Variants in IQGAP3 observed in about 807,000 individuals in gnomAD.
IQGAP3 encodes IQ motif containing GTPase activating protein 3.
A neutral mutation model predicts 208.2 loss-of-function variants in IQGAP3; 165 were observed. The observed-to-expected ratio is 0.79, with a 90% CI of 0.70 to 0.90. IQGAP3 has a LOEUF of 0.90. Ranked by LOEUF, IQGAP3 falls within the 40% of genes least tolerant of loss-of-function variation. The pLI, the probability that IQGAP3 is intolerant of heterozygous loss-of-function variation, is 0.00. For missense variants in IQGAP3, 1,811 were observed against 2,043.1 expected (o/e 0.89, Z 2.19); for synonymous variants, 703 against 803.6 (o/e 0.87, Z 2.12).
Position 156,548,495 on chromosome 1 carries a change from G to T in IQGAP3, c.1994-8C>A, listed in dbSNP as rs762431839. 2.1e-5 allele frequency: 34 copies of T among 1,612,550 alleles called. No individual in the cohort carries two copies. The highest frequency in any genetic ancestry group is 2.9e-5 in the Non-Finnish European group (34 of 1,179,032). On this transcript the variant is annotated splice_region_variant and splice_polypyrimidine_tract_variant and intron_variant, in intron 17 of 37. Transcript: ENST00000361170. ...CCCAGAAAGCTGTGTCTGCTAAGCA[G>T]AAACCAAGCAAGCAGAAAAGGTTCA...
chr1:156,562,081 C>A, intron 9 of IQGAP3, 80 bp from the exon 10 acceptor site: 1 of 1,247,294 alleles, frequency 8.0e-7, no homozygotes, highest in South Asian at 1.5e-5. Flanking sequence ...AGGAATCTAC[C>A]CTCTTCTTGC....
At chr1:156,553,783 A>G (rs564123381) in intron 13 of IQGAP3, among the ~76,000 whole-genome samples, 53 of 152,064 alleles carry the variant, frequency 3.5e-4, no homozygotes, top group African/African-American at 1.3e-3. Flanking sequence ...GTTTCTCTAC[A>G]TTGGTTAGGC....
chr1:156,552,142 C>T (rs1359396424), intron 13 of IQGAP3, 47 bp from the exon 14 acceptor site: 1 of 1,599,236 alleles, frequency 6.3e-7, no homozygotes, highest in Non-Finnish European at 8.5e-7. Flanking sequence ...TGTGAATCAT[C>T]AGCCAGAAGT....
At chr1:156,562,435 T>C (rs1333131305) in intron 9 of IQGAP3, 152 bp downstream of exon 9, 1 of 671,468 alleles carries the variant, frequency 1.5e-6, no homozygotes, top group Non-Finnish European at 2.7e-6. Context: ...GCAGTGCACA[T>C]ACTCCTTGGA....
At chr1:156,564,818 G>A in intron 4 of IQGAP3, 127 bp from the exon 5 acceptor site, 5 of 684,334 alleles carry the variant, frequency 7.3e-6, no homozygotes, top group South Asian at 6.6e-5. Flanking sequence ...TACCTGGGGT[G>A]TCTAGGTCAG....
At chr1:156,540,594 G>T in intron 23 of IQGAP3, 114 bp downstream of exon 23, 1 of 877,358 alleles carries the variant, frequency 1.1e-6, no homozygotes, top group Non-Finnish European at 1.8e-6. Context: ...CCTGAGTCAG[G>T]TGACAAAATC....
At chr1:156,528,651 C>T (rs1236643572) in intron 35 of IQGAP3, 41 bp from the exon 36 acceptor site, 1 of 1,490,204 alleles carries the variant, frequency 6.7e-7, no homozygotes, top group Non-Finnish European at 9.3e-7. Flanking sequence ...CCAATAAACA[C>T]TTTACCACCA....
rs753413274 is a variant in IQGAP3 at position 156,552,062 on chromosome 1, C to T, written c.1482G>A (p.Glu494=). Reference sequence around the variant, plus strand: ...TCAGGAAGTCCTCACCCATCCCACGCTCCTGTCGCAATTTCAGCAGGGCAT... The same window carrying T: ...TCAGGAAGTCCTCACCCATCCCACGTTCCTGTCGCAATTTCAGCAGGGCAT... The part of the protein sequence containing the change: ...YFDALLKLRQ[E]RGMGEDFLSW... Residue 494 remains glutamate, a synonymous_variant, in exon 14 of 38, where the codon GAG becomes GAA. Transcript: ENST00000361170. The T allele has an allele frequency of 5.6e-6, 9 of 1,614,066 alleles. No individual in the cohort carries two copies. Among genetic ancestry groups the T allele is most frequent in the Non-Finnish European group, 7.6e-6 (9 of 1,180,034 alleles).
chr1:156,550,595 C>T (rs1557934908), intron 15 of IQGAP3, among the ~76,000 whole-genome samples: 10 of 152,184 alleles, frequency 6.6e-5, no homozygotes. Context: ...GGCCACAGCA[C>T]CTCCAGAACC....
In IQGAP3 at chr1:156,554,298, A is replaced by G; in HGVS notation, c.1385T>C (p.Phe462Ser). The change falls in exon 13 of 38, where the codon TTC (phenylalanine) becomes TCC (serine). Residue 462 changes from phenylalanine to serine, a missense_variant. Physicochemically the swap from Phe to Ser is radical, Grantham distance 155 (BLOSUM62 -2). Coordinates refer to ENST00000361170, the MANE Select transcript of IQGAP3 (RefSeq NM_178229.5). Reference sequence around the variant, plus strand: ...GGCAGGGTTCACCAGGCTGCTCCAGAAGCCACTGGCATCCCGGGCCTCCAG... The same window carrying G: ...GGCAGGGTTCACCAGGCTGCTCCAGGAGCCACTGGCATCCCGGGCCTCCAG... Reference protein sequence around the residue: ...RALEARDASGFWSSLVNPATG... With the variant: ...RALEARDASGSWSSLVNPATG... 6.2e-7 allele frequency: 1 copy of G among 1,614,204 alleles called. No homozygotes were observed. The highest frequency in any genetic ancestry group is 2.2e-5 in the East Asian group (1 of 44,884).
intron 23 of IQGAP3, among the ~76,000 whole-genome samples, chr1:156,540,247 T>C (rs1674911802): frequency 6.6e-6 from 1 of 152,180 alleles, no homozygotes; most frequent in Non-Finnish European, 1.5e-5. Context: ...TGTGTCTATT[T>C]GGCTTTTGCT....
In IQGAP3 at chr1:156,555,974, T is replaced by C. The variant is rs189900515; in HGVS notation, c.1290+559A>G. Reference sequence around the variant, plus strand: ...ACCTGCTGTGGGTGTAGTTCTCTATTGATTCTCTTCCAGGAAGACTTCCCG... The same window carrying C: ...ACCTGCTGTGGGTGTAGTTCTCTATCGATTCTCTTCCAGGAAGACTTCCCG... On this transcript the variant is annotated intron_variant, in intron 12 of 37. Coordinates refer to ENST00000361170, the MANE Select transcript of IQGAP3 (RefSeq NM_178229.5). Among the ~76,000 whole-genome samples, 149 of 152,216 alleles carry C rather than the reference T, an allele frequency of 9.8e-4. 1 individual carries two copies. The highest frequency in any genetic ancestry group is 3.4e-3 in the African/African-American group (143 of 41,516).
intron 1 of IQGAP3, 63 bp from the exon 2 acceptor site, chr1:156,569,526 G>GTTTTTT: frequency 2.7e-6 from 1 of 376,386 alleles, no homozygotes; most frequent in East Asian, 5.5e-5. Context: ...GCACTGAAGG[G>GTTTTTT]TCTTTTTTTT....
At chr1:156,566,179 T>C in intron 3 of IQGAP3, 75 bp from the exon 4 acceptor site, 2 of 1,419,204 alleles carry the variant, frequency 1.4e-6, no homozygotes, top group Non-Finnish European at 2.0e-6. Flanking sequence ...AGACTACAGC[T>C]TAAAGATTCA....
chr1:156,561,219 A>G (rs1676136156), intron 10 of IQGAP3, among the ~76,000 whole-genome samples, 198 bp from the exon 11 acceptor site: 1 of 151,370 alleles, frequency 6.6e-6, no homozygotes, highest in Non-Finnish European at 1.5e-5. Flanking sequence ...CCCAGGCTGG[A>G]GTGCAGTGGC....
chr1:156,544,572 G>C (rs1175540952), intron 19 of IQGAP3, 100 bp from the exon 20 acceptor site: 1 of 982,794 alleles, frequency 1.0e-6, no homozygotes. Flanking sequence ...GGGAATGGAA[G>C]GGGGCAGTTA....
chr1:156,535,097 G>C, intron 28 of IQGAP3, 66 bp downstream of exon 28: 1 of 1,173,880 alleles, frequency 8.5e-7, no homozygotes, highest in Non-Finnish European at 1.3e-6. Context: ...GTCTCAGTCT[G>C]GGGATTGCAG....
chr1:156,561,108 T>C, intron 10 of IQGAP3, 87 bp from the exon 11 acceptor site: 2 of 885,410 alleles, frequency 2.3e-6, no homozygotes, highest in Non-Finnish European at 1.9e-6. Flanking sequence ...CTCCCAGGTC[T>C]ACCCAGCCAC....
chr1:156,535,932 C>A (rs116575892), intron 27 of IQGAP3, among the ~76,000 whole-genome samples: 1 of 152,180 alleles, frequency 6.6e-6, no homozygotes, highest in African/African-American at 2.4e-5. Flanking sequence ...GCGAGAGTAA[C>A]GTATAATGGT....
Sources: allele counts gnomAD v4.1 joint callset (sites outside exome capture counted in the v4.1 genomes callset), GRCh38; gene constraint gnomAD v4.1.1; transcripts MANE v1.5; gene names NCBI Gene and HGNC (gene_info 2026-07-23, HGNC 2026-07-21).